Variants in XKR6 observed in about 807,000 individuals in gnomAD.
XKR6 encodes XK-related protein 6.
XKR6 carries 22 observed loss-of-function variants against 56.7 expected under a neutral mutation model. The observed-to-expected ratio is 0.39, with a 90% CI of 0.28 to 0.55. XKR6 has a LOEUF of 0.55. XKR6 is among the 20% of genes least tolerant of loss of function. The pLI is 0.66. For missense variants in XKR6, 852 were observed against 889.0 expected (o/e 0.96, Z 0.53); for synonymous variants, 524 against 387.8 (o/e 1.35, Z -4.13).
chr8:10,910,501 G>A (rs775242168), intron 2 of XKR6, among the ~76,000 whole-genome samples: 9 of 152,122 alleles, frequency 5.9e-5, no homozygotes, highest in Non-Finnish European at 7.3e-5. Context: ...AGCCACCACC[G>A]CAATCTTCAG....
chr8:10,908,425 C>G (rs1242572092), intron 2 of XKR6, among the ~76,000 whole-genome samples: 3 of 151,972 alleles, frequency 2.0e-5, no homozygotes, highest in Admixed American at 1.3e-4. Flanking sequence ...CCTGCTTCCC[C>G]CTCCCAGGAA....
rs138260381 is a variant in XKR6 at position 10,957,566 on chromosome 8, T to C, written c.765-32736A>G. ...TCCCAGGAGACAGATAGGCAGACCC[T>C]GGGATGCTGATGGCGCAGTCACCAA... is the stretch of plus-strand genomic sequence containing the variant. On this transcript the variant is annotated intron_variant, in intron 1 of 2. Transcript: ENST00000416569. Among the ~76,000 whole-genome samples the C allele has an allele frequency of 2.6e-3, 392 of 152,256 alleles. 1 individual carries two copies. Among genetic ancestry groups the C allele is most frequent in the African/African-American group, 9.0e-3 (374 of 41,568 alleles).
chr8:10,978,874 G>T (rs1797657988), intron 1 of XKR6, among the ~76,000 whole-genome samples: 1 of 152,160 alleles, frequency 6.6e-6, no homozygotes, highest in African/African-American at 2.4e-5. Context: ...GGGCCACATT[G>T]CTTAGCTGGA....
chr8:11,154,850 T>C (rs1349387689), intron 1 of XKR6, among the ~76,000 whole-genome samples: 2 of 152,226 alleles, frequency 1.3e-5, no homozygotes, highest in Non-Finnish European at 2.9e-5. Flanking sequence ...TGACTGCCTC[T>C]ACCCTCTTCA....
intron 1 of XKR6, among the ~76,000 whole-genome samples, chr8:11,187,638 C>T (rs1000816343): frequency 4.6e-5 from 7 of 151,976 alleles, no homozygotes; most frequent in Admixed American, 1.3e-4. Flanking sequence ...AGAAAACAAC[C>T]CTAAGAAAAA....
At chr8:11,125,958 A>G (rs532079492) in intron 1 of XKR6, 6 of 152,352 alleles carry the variant, frequency 3.9e-5, no homozygotes, top group African/African-American at 1.4e-4. Context: ...AACTCACAAC[A>G]AACTTGATGG....
intron 1 of XKR6, among the ~76,000 whole-genome samples, chr8:11,023,092 G>A (rs947445818): frequency 4.6e-5 from 7 of 152,156 alleles, no homozygotes; most frequent in East Asian, 3.9e-4. Flanking sequence ...CTGATGTGCC[G>A]AACAAAACCA....
In XKR6 at chr8:10,915,227, T is replaced by C. The variant is rs1800525533; in HGVS notation, c.961+9407A>G. Among the ~76,000 whole-genome samples, 2 of 152,262 alleles carry C rather than the reference T, an allele frequency of 1.3e-5. 1 individual carries two copies. Among genetic ancestry groups the C allele is most frequent in the Admixed American group, 1.3e-4 (2 of 15,292 alleles). On this transcript the variant is annotated intron_variant, in intron 2 of 2. Coordinates refer to ENST00000416569, the MANE Select transcript of XKR6 (RefSeq NM_173683.4). ...TTTTCTGTTTTTTCATTGCTGTATC[T>C]GTCCCCAGCTCCTGGAACCGTGCTA...
chr8:11,173,042 A>G (rs554385084), intron 1 of XKR6, among the ~76,000 whole-genome samples: 196 of 152,296 alleles, frequency 1.3e-3, no homozygotes, highest in African/African-American at 4.5e-3. Flanking sequence ...AGTTAAAAAT[A>G]TAACAGCTTC....
intron 1 of XKR6, among the ~76,000 whole-genome samples, chr8:11,074,909 G>A (rs573069329): frequency 1.3e-5 from 2 of 152,358 alleles, no homozygotes; most frequent in South Asian, 4.1e-4. Context: ...CAGAGTGGCA[G>A]AGCCCTGGGA....
intron 1 of XKR6, among the ~76,000 whole-genome samples, chr8:11,098,420 C>G (rs1457106564): frequency 6.6e-6 from 1 of 152,116 alleles, no homozygotes; most frequent in Non-Finnish European, 1.5e-5. Context: ...TTTTAGCAGT[C>G]TCGAGTTTTT....
chr8:11,055,463 G>A (rs1051175361), intron 1 of XKR6, among the ~76,000 whole-genome samples: 2 of 152,210 alleles, frequency 1.3e-5, no homozygotes, highest in Admixed American at 1.3e-4. Context: ...CCTAGAGGCA[G>A]GTCAAGGGGT....
At chr8:11,112,534 C>A (rs1353529193) in intron 1 of XKR6, among the ~76,000 whole-genome samples, 1 of 152,156 alleles carries the variant, frequency 6.6e-6, no homozygotes, top group East Asian at 1.9e-4. Context: ...AAAACATTTA[C>A]TATAGGCTTA....
At chr8:10,940,275 G>T (rs1801346906) in intron 1 of XKR6, among the ~76,000 whole-genome samples, 2 of 152,346 alleles carry the variant, frequency 1.3e-5, no homozygotes, top group South Asian at 4.1e-4. Flanking sequence ...CACACTCACA[G>T]GACTCTCACT....
At chr8:11,190,290 G>T (rs1803507499) in intron 1 of XKR6, among the ~76,000 whole-genome samples, 1 of 151,652 alleles carries the variant, frequency 6.6e-6, no homozygotes, top group African/African-American at 2.4e-5. Context: ...GAAAATAAAA[G>T]AAAAGAAAAG....
chr8:11,059,065 C>G (rs954735284), intron 1 of XKR6, among the ~76,000 whole-genome samples: 1 of 150,482 alleles, frequency 6.6e-6, no homozygotes, highest in African/African-American at 2.5e-5. Context: ...CAGGACCAGG[C>G]TCTCACCCAC....
chr8:11,120,559 A>T (rs1261920323), intron 1 of XKR6, among the ~76,000 whole-genome samples: 2 of 152,178 alleles, frequency 1.3e-5, no homozygotes, highest in Non-Finnish European at 2.9e-5. Context: ...ATGGAAGAAC[A>T]TTCCATGCTC....
At chr8:11,110,503 C>T (rs1296262386) in intron 1 of XKR6, among the ~76,000 whole-genome samples, 1 of 152,162 alleles carries the variant, frequency 6.6e-6, no homozygotes, top group Non-Finnish European at 1.5e-5. Flanking sequence ...ACGAACATTC[C>T]ACTGAGCTTC....
At chr8:11,193,971 C>T (rs1269848707) in intron 1 of XKR6, among the ~76,000 whole-genome samples, 1 of 152,064 alleles carries the variant, frequency 6.6e-6, no homozygotes, top group Non-Finnish European at 1.5e-5. Context: ...GTTTAGTCTG[C>T]CATAAATTTT....
Sources: gnomAD v4.1 joint callset for allele counts (sites outside exome capture counted in the v4.1 genomes callset) on GRCh38, gnomAD v4.1.1 for gene constraint, MANE v1.5 for transcripts, NCBI Gene and HGNC (gene_info 2026-07-23, HGNC 2026-07-21) for gene names.